Variants in AKAP4 observed in about 807,000 individuals in gnomAD.
The protein encoded by AKAP4 is A-kinase anchoring protein 4.
AKAP4 carries 4 observed loss-of-function variants against 42.6 expected under a neutral mutation model. That is an observed-to-expected ratio of 0.09 (90% confidence interval 0.05 to 0.22). AKAP4 has a LOEUF of 0.22. AKAP4 is among the 10% of genes least tolerant of loss of function. The pLI, the probability that AKAP4 is intolerant of heterozygous loss-of-function variation, is 1.00. For missense variants in AKAP4, 551 were observed against 630.7 expected, an observed-to-expected ratio of 0.87 and a Z score of 1.35; for synonymous variants, 223 against 233.0, an observed-to-expected ratio of 0.96 and a Z score of 0.39.
rs1557204156 is a variant in AKAP4, at chrX:50,194,399, G to A, written c.314C>T (p.Ser105Phe). ...GSVCLFKQAP[S>F]DPVSVLNWLL... ...CCAGTTGAGGACACTTACAGGATCA[G>A]AGGGAGCTTGTTTGAAAAGGCATAC... The change falls in exon 5 of 6, where the codon TCT becomes TTT. Residue 105 changes from serine to phenylalanine, a missense_variant. Physicochemically the swap from Ser to Phe is radical, Grantham distance 155. Transcript: ENST00000358526. The A allele has an allele frequency of 8.3e-7, 1 of 1,207,876 alleles. No individual in the cohort carries two copies. The highest frequency in any genetic ancestry group is 1.1e-6 in the Non-Finnish European group (1 of 894,287).
intron 1 of AKAP4, chrX:50,200,439 A>G (rs1321040301): frequency 2.7e-5 from 19 of 708,227 alleles, no homozygotes; most frequent in Non-Finnish European, 3.0e-5. Context: ...TTGGGTCACA[A>G]TGCCTGAACT....
chrX:50,198,571 T>C, intron 2 of AKAP4, 86 bp downstream of exon 2: 1 of 686,382 alleles, frequency 1.5e-6, no homozygotes, highest in Non-Finnish European at 2.3e-6. Flanking sequence ...GGTATCATCG[T>C]CCATTAGTTT....
chrX:50,194,076 A>G lies in AKAP4; in HGVS notation c.637T>C (p.Ser213Pro). ...ACGTAGAAGGAAAGGTCATCTATAG[A>G]ACATTCTCCATCAGGGGAAATGACT... is the stretch of plus-strand genomic sequence containing the variant. ...RAVISPDGEC[S>P]IDDLSFYVNR... Residue 213 changes from serine (S) to proline (P), a missense_variant, in exon 5 of 6, where the codon TCT becomes CCT. Coordinates refer to ENST00000358526, the MANE Select transcript of AKAP4 (RefSeq NM_003886.3). 1 of 1,211,427 alleles carries G rather than the reference A, an allele frequency of 8.3e-7. No homozygotes were observed. The highest frequency in any genetic ancestry group is 1.1e-6 in the Non-Finnish European group (1 of 895,301).
At position 50,193,187 on chromosome X, in the gene AKAP4, T is replaced by C. The variant is rs782812592; in HGVS notation, c.1526A>G (p.Asn509Ser). Residue 509 changes from asparagine (N) to serine (S), a missense_variant, in exon 5 of 6, where the codon AAC becomes AGC. Physicochemically the swap from Asn to Ser is conservative, Grantham distance 46. Transcript: ENST00000358526. ...CTTGCATGAGTTTCCTTGCTTTTGGTTCCAGATGGTTAGGCCCTCTTTGAG... is the reference window on the plus strand; with the variant it reads ...CTTGCATGAGTTTCCTTGCTTTTGGCTCCAGATGGTTAGGCCCTCTTTGAG... ...HILKEGLTIW[N>S]QKQGNSCKVA... 8.3e-7 allele frequency: 1 copy of C among 1,211,899 alleles called. No homozygotes were observed. Among genetic ancestry groups the C allele is most frequent in the Admixed American group, 2.2e-5 (1 of 46,045 alleles).
At chrX:50,199,216 A>G (rs781829122) in intron 1 of AKAP4, among the ~76,000 whole-genome samples, 17 of 111,645 alleles carry the variant, frequency 1.5e-4, no homozygotes, top group Non-Finnish European at 2.1e-4. Context: ...AGTCTTTCCC[A>G]TTACACTAAA....
Position 50,192,826 on chromosome X carries a change from G to C in AKAP4, c.1887C>G (p.Ile629Met). ...GCAGTTTCTGAATCAGCATTAGAAC[G>C]ATGTTTGACATATCCATTTTCTGGG... is the stretch of plus-strand genomic sequence containing the variant. ...LDSQKMDMSN[I>M]VLMLIQKLLN... The change falls in exon 5 of 6, where the codon ATC becomes ATG. Residue 629 changes from isoleucine to methionine, a missense_variant. By Grantham distance (10) the Ile-to-Met change is conservative. Transcript: ENST00000358526. 8.3e-7 allele frequency: 1 copy of C among 1,211,798 alleles called. No individual in the cohort carries two copies. The highest frequency in any genetic ancestry group is 1.1e-6 in the Non-Finnish European group (1 of 895,542).
At chrX:50,191,942 T>C (rs1557203666) in intron 5 of AKAP4, among the ~76,000 whole-genome samples, 1 of 111,165 alleles carries the variant, frequency 9.0e-6, no homozygotes, top group African/African-American at 3.3e-5. Context: ...CCTCAAGAGG[T>C]AGGGAAGAAC....
chrX:50,200,395 TGC>T (rs1271318528), intron 1 of AKAP4: 6 of 753,438 alleles, frequency 8.0e-6, no homozygotes, highest in Middle Eastern at 7.6e-4. Context: ...TTTCCCCTGC[TGC>T]CTCTGACCCT....
rs1935222016 is a variant in AKAP4 at position 50,198,659 on chromosome X, C to A, written c.121G>T (p.Val41Leu). ...PEGQQDQDRK[V>L]ICFVDVSTLN... ...GCATGAGTCATTTTTTATCTTACCA[C>A]TTTCCGGTCCTGATCTTGCTGTCCT... is the stretch of plus-strand genomic sequence containing the variant. The change falls in exon 2 of 6, where the codon GTG (valine) becomes TTG (leucine). Residue 41 changes from valine to leucine, a missense_variant and splice_region_variant. By Grantham distance (32) the Val-to-Leu change is conservative. Transcript: ENST00000358526. 1 of 1,206,776 alleles carries A rather than the reference C, an allele frequency of 8.3e-7. No individual in the cohort carries two copies.
At chrX:50,197,651 C>A (rs1376511545) in intron 2 of AKAP4, 57 bp from the exon 3 acceptor site, 3 of 1,061,217 alleles carry the variant, frequency 2.8e-6, no homozygotes, top group Non-Finnish European at 3.9e-6. Flanking sequence ...GGCATAATTT[C>A]TCTTTCTTGG....
intron 4 of AKAP4, among the ~76,000 whole-genome samples, chrX:50,195,229 G>A (rs1345632189): frequency 8.0e-5 from 9 of 111,914 alleles, no homozygotes; most frequent in African/African-American, 2.6e-4. Flanking sequence ...TTCATAAATT[G>A]GGTATAAATT....
rs1557203969 is a variant in AKAP4, at chrX:50,193,470, A to T, written c.1243T>A (p.Trp415Arg). The stretch of plus-strand genomic sequence containing the variant: ...ATGATGTCTGTAGCATTTTGTTTCC[A>T]CTGGTTGAACAGATTTCTCTTGACA... ...SAVKRNLFNQWKQNATDIMEA... is the reference protein window; with the variant it reads ...SAVKRNLFNQRKQNATDIMEA... Residue 415 changes from tryptophan (W) to arginine (R), a missense_variant, in exon 5 of 6, where the codon TGG (tryptophan) becomes AGG (arginine). Coordinates refer to ENST00000358526, the MANE Select transcript of AKAP4 (RefSeq NM_003886.3). The T allele has an allele frequency of 8.3e-7, 1 of 1,211,521 alleles. No homozygotes were observed. The highest frequency in any genetic ancestry group is 1.1e-6 in the Non-Finnish European group (1 of 895,490).
chrX:50,193,754 C>T lies in AKAP4; in HGVS notation c.959G>A (p.Arg320Lys), dbSNP rs1383509188. The T allele has an allele frequency of 8.3e-7, 1 of 1,208,299 alleles. No homozygotes were observed. Among genetic ancestry groups the T allele is most frequent in the Non-Finnish European group, 1.1e-6 (1 of 894,393 alleles). Reference protein sequence around the residue: ...SKSGDKQMSQRESKEFADSIS... With the variant: ...SKSGDKQMSQKESKEFADSIS... ...GGAATCTGCAAATTCTTTGCTCTCT[C>T]TCTGGGACATCTGTTTGTCTCCACT... is the stretch of plus-strand genomic sequence containing the variant. Residue 320 changes from arginine (R) to lysine (K), a missense_variant, in exon 5 of 6, where the codon AGA becomes AAA. Coordinates refer to ENST00000358526, the MANE Select transcript of AKAP4 (RefSeq NM_003886.3).
At chrX:50,199,509 C>G (rs1363573910) in intron 1 of AKAP4, among the ~76,000 whole-genome samples, 1 of 109,097 alleles carries the variant, frequency 9.2e-6, no homozygotes, top group Non-Finnish European at 1.9e-5. Context: ...ACCATCACCC[C>G]CTGCCACCAC....
rs138583730 is a variant in AKAP4 at position 50,192,825 on chromosome X, C to T, written c.1888G>A (p.Val630Ile). The T allele has an allele frequency of 5.3e-5, 64 of 1,210,126 alleles. No individual in the cohort carries two copies. Among genetic ancestry groups the T allele is most frequent in the East Asian group, 1.8e-4 (6 of 33,743 alleles). ...DSQKMDMSNI[V>I]LMLIQKLLNE... ...AGCAGTTTCTGAATCAGCATTAGAACGATGTTTGACATATCCATTTTCTGG... is the reference window on the plus strand; with the variant it reads ...AGCAGTTTCTGAATCAGCATTAGAATGATGTTTGACATATCCATTTTCTGG... Residue 630 changes from valine to isoleucine, a missense_variant, in exon 5 of 6, where the codon GTT becomes ATT. Val to Ile is a conservative substitution (Grantham distance 29). Coordinates refer to ENST00000358526, the MANE Select transcript of AKAP4 (RefSeq NM_003886.3).
At chrX:50,198,459 C>T (rs782308921) in intron 2 of AKAP4, among the ~76,000 whole-genome samples, 198 bp downstream of exon 2, 18 of 110,469 alleles carry the variant, frequency 1.6e-4, no homozygotes, top group African/African-American at 5.9e-4. Context: ...TCCTTTACAT[C>T]ACACCACACC....
rs1935096742 is a variant in AKAP4, at chrX:50,190,816, C to T, written c.*144G>A. 2 of 564,500 alleles carry T rather than the reference C, an allele frequency of 3.5e-6. No individual in the cohort carries two copies. Among genetic ancestry groups the T allele is most frequent in the Non-Finnish European group, 5.3e-6 (2 of 375,811 alleles). The allele number at this position is 564,500 out of a possible 1,213,427, so 46.5% of individuals were successfully genotyped here. A position where few individuals can be genotyped will look rare whatever the true frequency, so the allele number is the denominator to read the frequency against. On this transcript the variant is annotated 3_prime_UTR_variant, in exon 6 of 6. Coordinates refer to ENST00000358526, the MANE Select transcript of AKAP4 (RefSeq NM_003886.3). ...TATTTTATTTCCCAGTTTGTTGACA[C>T]CTCTTACATTCACAGGCAACTGCTC...
At position 50,200,897 on chromosome X, in the gene AKAP4, C is replaced by T; in HGVS notation, c.-8G>A. 8.3e-7 allele frequency: 1 copy of T among 1,205,328 alleles called. No individual in the cohort carries two copies. Among genetic ancestry groups the T allele is most frequent in the Non-Finnish European group, 1.1e-6 (1 of 890,816 alleles). On this transcript the variant is annotated 5_prime_UTR_variant, in exon 1 of 6. Coordinates refer to ENST00000358526, the MANE Select transcript of AKAP4 (RefSeq NM_003886.3). ...ATCAGAGTACGCCATCATGTAGGAC[C>T]CTGGAATGATGTTTTCTTGTTGATT... is the stretch of plus-strand genomic sequence containing the variant.
rs782296919 is a variant in AKAP4, at chrX:50,192,555, C to T, written c.2158G>A (p.Ala720Thr). The T allele has an allele frequency of 8.3e-7, 1 of 1,211,791 alleles. No individual in the cohort carries two copies. The highest frequency in any genetic ancestry group is 3.0e-5 in the East Asian group (1 of 33,846). The change falls in exon 5 of 6, where the codon GCC becomes ACC. Residue 720 changes from alanine (A) to threonine (T), a missense_variant. Coordinates refer to ENST00000358526, the MANE Select transcript of AKAP4 (RefSeq NM_003886.3). ...GCTTGTTCTTCCAACTCAGCAAGGG[C>T]TGCCCCATCGTTGCTATACTTAGCC... ...IMAKYSNDGA[A>T]LAELEEQAAS...
Sources: gnomAD v4.1 joint callset for allele counts (sites outside exome capture counted in the v4.1 genomes callset) on GRCh38, gnomAD v4.1.1 for gene constraint, MANE v1.5 for transcripts, NCBI Gene and HGNC (gene_info 2026-07-23, HGNC 2026-07-21) for gene names.